Variants in IL1RL1 observed in about 807,000 individuals in gnomAD.
IL1RL1 encodes the protein interleukin-1 receptor-like 1.
Under a neutral mutation model 50.9 loss-of-function variants are expected in IL1RL1, and 32 were observed. The ratio of observed to expected loss-of-function variants is 0.63; its 90% confidence interval spans 0.47 to 0.84. The LOEUF (loss-of-function observed/expected upper bound fraction) is 0.84. IL1RL1 is among the 40% of genes least tolerant of loss of function. The pLI is 0.00. For synonymous variants in IL1RL1, 275 were observed against 236.0 expected, an observed-to-expected ratio of 1.17 and a Z score of -1.51; for missense variants, 773 against 662.9, an observed-to-expected ratio of 1.17 and a Z score of -1.82.
intron 10 of IL1RL1, among the ~76,000 whole-genome samples, chr2:102,350,317 T>C (rs1041382146): frequency 6.6e-6 from 1 of 152,248 alleles, no homozygotes; most frequent in African/African-American, 2.4e-5. Flanking sequence ...CTCTTCTTTT[T>C]CAGTCTATCC....
At chr2:102,314,261 G>T (rs932382840) in intron 1 of IL1RL1, among the ~76,000 whole-genome samples, 5 of 152,180 alleles carry the variant, frequency 3.3e-5, no homozygotes, top group Non-Finnish European at 7.3e-5. Context: ...GTGAAGTAGG[G>T]ATGAAACCAA....
At chr2:102,343,481 G>T (rs375803902) in intron 8 of IL1RL1, 66 bp downstream of exon 8, 3 of 1,613,080 alleles carry the variant, frequency 1.9e-6, no homozygotes, top group South Asian at 1.1e-5. Context: ...AGAATGGAGT[G>T]TGGTTCCAAG....
chr2:102,344,768 A>G (rs1677718590), intron 8 of IL1RL1: 11 of 935,804 alleles, frequency 1.2e-5, no homozygotes, highest in Admixed American at 6.2e-5. Flanking sequence ...CTACTTCTCT[A>G]GCTATAAGTC....
chr2:102,325,305 G>A (rs899451962), intron 1 of IL1RL1, among the ~76,000 whole-genome samples: 1 of 152,098 alleles, frequency 6.6e-6, no homozygotes, highest in Non-Finnish European at 1.5e-5. Flanking sequence ...ACAGTTAGAA[G>A]GAAAACTAAC....
intron 1 of IL1RL1, among the ~76,000 whole-genome samples, chr2:102,323,275 T>TATATATATATATATATATATATA (rs1559596435): frequency 1.6e-3 from 47 of 28,606 alleles, no homozygotes; most frequent in African/African-American, 5.1e-3. Flanking sequence ...ATATATATAG[T>TATATATATATATATATATATATA]GTGTGTGTGT....
At chr2:102,339,889 G>A (rs1252834821) in intron 3 of IL1RL1, among the ~76,000 whole-genome samples, 1 of 152,008 alleles carries the variant, frequency 6.6e-6, no homozygotes, top group East Asian at 1.9e-4. Context: ...TCATTGTTAG[G>A]GCTACTATGG....
At position 102,315,067 on chromosome 2, in the gene IL1RL1, A is replaced by G. The variant is rs114275869; in HGVS notation, c.-150+3444A>G. Among the ~76,000 whole-genome samples the G allele has an allele frequency of 3.0e-3, 463 of 152,198 alleles. 3 individuals are homozygous for G. The East Asian group carries it at 0.032, about 11-fold the overall frequency. Reference sequence around the variant, plus strand: ...TAGTCTGACTTTTTTTTCCCTAATTAGGATTCCGCACATCCTATGCCTGTC... The same window carrying G: ...TAGTCTGACTTTTTTTTCCCTAATTGGGATTCCGCACATCCTATGCCTGTC... On this transcript the variant is annotated intron_variant, in intron 1 of 10. Coordinates refer to ENST00000233954, the MANE Select transcript of IL1RL1 (RefSeq NM_016232.5).
At chr2:102,349,639 A>G (rs1341197198) in intron 10 of IL1RL1, among the ~76,000 whole-genome samples, 1 of 152,226 alleles carries the variant, frequency 6.6e-6, no homozygotes, top group Non-Finnish European at 1.5e-5. Flanking sequence ...CACTAGCTGA[A>G]ATACCTTAAA....
rs150418930 is a variant in IL1RL1 at position 102,320,808 on chromosome 2, G to A, written c.-150+9185G>A. Among the ~76,000 whole-genome samples the A allele has an allele frequency of 5.9e-5, 9 of 152,246 alleles. No individual in the cohort carries two copies. In the South Asian group the frequency reaches 6.2e-4, roughly 11 times the overall value. On this transcript the variant is annotated intron_variant, in intron 1 of 10. Coordinates refer to ENST00000233954, the MANE Select transcript of IL1RL1 (RefSeq NM_016232.5). ...CTTCCCCGCCCTGGTCATAGCCACC[G>A]TCTCTGTCTCACCTGGATACCTCAT...
At chr2:102,326,397 C>T (rs559533973) in intron 1 of IL1RL1, among the ~76,000 whole-genome samples, 117 of 152,276 alleles carry the variant, frequency 7.7e-4, no homozygotes, top group Admixed American at 2.7e-3. Flanking sequence ...ACTGCAAAAA[C>T]ATGCCAAATT....
intron 1 of IL1RL1, among the ~76,000 whole-genome samples, chr2:102,322,133 T>TCCATAA (rs1676854628): frequency 2.0e-5 from 3 of 152,204 alleles, no homozygotes; most frequent in African/African-American, 7.2e-5. Flanking sequence ...AGATAAGAGT[T>TCCATAA]GGTGTTGTAG....
intron 1 of IL1RL1, among the ~76,000 whole-genome samples, chr2:102,323,505 G>T (rs904973387): frequency 4.6e-5 from 7 of 152,078 alleles, no homozygotes; most frequent in Non-Finnish European, 8.8e-5. Flanking sequence ...ACTGCATCTG[G>T]TGAGGGCCTC....
At chr2:102,349,674 T>G (rs534809816) in intron 10 of IL1RL1, among the ~76,000 whole-genome samples, 16 of 152,358 alleles carry the variant, frequency 1.1e-4, no homozygotes, top group Admixed American at 4.6e-4. Flanking sequence ...CTTCATGACT[T>G]TCTTTATGTT....
At chr2:102,313,847 A>ATGCGCGTGCG in intron 1 of IL1RL1, among the ~76,000 whole-genome samples, 1 of 152,130 alleles carries the variant, frequency 6.6e-6, no homozygotes, top group Non-Finnish European at 1.5e-5. Context: ...GTGTGCGTGC[A>ATGCGCGTGCG]CTTGCATGCG....
At chr2:102,345,596 G>T in intron 8 of IL1RL1, 1 of 985,436 alleles carries the variant, frequency 1.0e-6, no homozygotes, top group Non-Finnish European at 1.2e-6. Context: ...GGGACAGCGG[G>T]CCCCCAATAT....
rs147475541 is a variant in IL1RL1, at chr2:102,330,621, C to G, written c.-149-7495C>G. On this transcript the variant is annotated intron_variant, in intron 1 of 10. Transcript: ENST00000233954. ...TCTTTTGTGAAATATCAGTACAAGT[C>G]TTTTCCTCATTTTAAAAATTGGGCT... 4.6e-5 allele frequency among the ~76,000 whole-genome samples: 7 copies of G among 152,238 alleles called. 1 individual carries two copies. In the East Asian group the frequency reaches 1.3e-3, roughly 29 times the overall value.
At chr2:102,338,764 A>G in intron 2 of IL1RL1, 73 bp from the exon 3 acceptor site, 1 of 1,171,854 alleles carries the variant, frequency 8.5e-7, no homozygotes, top group Non-Finnish European at 1.2e-6. Flanking sequence ...CTAGAAGAAA[A>G]TATTGAGAGT....
At chr2:102,350,561 T>G (rs1677899121) in intron 10 of IL1RL1, among the ~76,000 whole-genome samples, 1 of 152,272 alleles carries the variant, frequency 6.6e-6, no homozygotes, top group South Asian at 2.1e-4. Flanking sequence ...CTGTCTATAG[T>G]CTCATGCAAC....
chr2:102,323,610 T>C (rs551191800), intron 1 of IL1RL1, among the ~76,000 whole-genome samples: 1 of 151,996 alleles, frequency 6.6e-6, no homozygotes, highest in Admixed American at 6.6e-5. Flanking sequence ...AGTGCTAAGT[T>C]CTTTTTAACA....
Sources: gnomAD v4.1 joint callset for allele counts (sites outside exome capture counted in the v4.1 genomes callset) on GRCh38, gnomAD v4.1.1 for gene constraint, MANE v1.5 for transcripts, NCBI Gene and HGNC (gene_info 2026-07-23, HGNC 2026-07-21) for gene names.